Variants in DNAH14 observed in about 807,000 individuals in gnomAD.
The protein encoded by DNAH14 is axonemal beta dynein heavy chain 14.
Under a neutral mutation model 520.9 loss-of-function variants are expected in DNAH14, and 478 were observed. That is an observed-to-expected ratio of 0.92 (90% CI 0.85 to 0.99). DNAH14 has a LOEUF of 0.99. Among genes scored for constraint, DNAH14 ranks in the 50% least tolerant of loss-of-function variants. The probability of loss-of-function intolerance (pLI) is 0.00; values close to 1 mark genes in which losing one functional copy is unlikely to be tolerated. For synonymous variants in DNAH14, 1,581 were observed against 1,757.2 expected (o/e 0.90, Z 2.51); for missense variants, 4,831 against 5,234.5 (o/e 0.92, Z 2.38).
chr1:225,338,346 A>G (rs1199881154), intron 68 of DNAH14, 164 bp downstream of exon 68: 10 of 885,182 alleles, frequency 1.1e-5, no homozygotes, highest in East Asian at 1.1e-4. Flanking sequence ...ATTCATCAGT[A>G]TACAGAAGAG....
intron 10 of DNAH14, among the ~76,000 whole-genome samples, 194 bp from the exon 11 acceptor site, chr1:225,023,421 T>A (rs1398984498): frequency 6.6e-6 from 1 of 151,876 alleles, no homozygotes. Flanking sequence ...ACTTAAATAA[T>A]TTTTAGAATT....
intron 38 of DNAH14, among the ~76,000 whole-genome samples, chr1:225,201,685 G>C (rs2086843606): frequency 6.6e-6 from 1 of 152,040 alleles, no homozygotes; most frequent in Admixed American, 6.6e-5. Context: ...CTGGTACCGG[G>C]GGTTGTCTGC....
chr1:225,387,105 G>GAC (rs2095850036), intron 81 of DNAH14, among the ~76,000 whole-genome samples: 1 of 152,122 alleles, frequency 6.6e-6, no homozygotes, highest in Non-Finnish European at 1.5e-5. Flanking sequence ...GATGAAGCTG[G>GAC]AAACCATCAT....
At chr1:225,081,682 A>G (rs2073139804) in intron 19 of DNAH14, among the ~76,000 whole-genome samples, 1 of 152,162 alleles carries the variant, frequency 6.6e-6, no homozygotes, top group African/African-American at 2.4e-5. Context: ...ATATATACAA[A>G]TTGGTTTTTT....
At chr1:225,318,360 A>G (rs1331899837) in intron 60 of DNAH14, among the ~76,000 whole-genome samples, 3 of 152,212 alleles carry the variant, frequency 2.0e-5, no homozygotes, top group Non-Finnish European at 2.9e-5. Context: ...TTTGCTTCCC[A>G]TGTATACCTT....
intron 43 of DNAH14, chr1:225,250,622 G>A (rs1485078088): frequency 6.1e-6 from 3 of 495,076 alleles, no homozygotes; most frequent in Non-Finnish European, 1.1e-5. Flanking sequence ...ACAGGTTCCT[G>A]AAGAGAAAGA....
chr1:225,039,874 T>C (rs1281548637), intron 12 of DNAH14, among the ~76,000 whole-genome samples: 1 of 20,086 alleles, frequency 5.0e-5, no homozygotes, highest in Non-Finnish European at 1.7e-4. Context: ...CGAGACTCCG[T>C]CTCAAAAAAA....
rs919401251 is a variant in DNAH14 at position 225,152,829 on chromosome 1, C to T, written c.5142C>T (p.Leu1714=). 2 of 1,551,174 alleles carry T rather than the reference C, an allele frequency of 1.3e-6. No homozygotes were observed. Among genetic ancestry groups the T allele is most frequent in the Non-Finnish European group, 8.7e-7 (1 of 1,146,830 alleles). The change falls in exon 33 of 86, where the codon CTC becomes CTT. Residue 1714 remains leucine, a synonymous_variant. Coordinates refer to ENST00000682510, the MANE Select transcript of DNAH14 (RefSeq NM_001367479.1). The part of the protein sequence containing the change: ...FSFGFKSANS[L]SGKLTNLYEL... ...TTGGTTTCAAATCTGCAAATTCACT[C>T]TCTGGAAAGCTAACTAACCTTTATG...
chr1:225,130,278 C>T (rs570600382), intron 27 of DNAH14, among the ~76,000 whole-genome samples: 26 of 152,110 alleles, frequency 1.7e-4, no homozygotes, highest in African/African-American at 5.5e-4. Flanking sequence ...TCAGAGATCT[C>T]GAACTAGAAA....
intron 3 of DNAH14, among the ~76,000 whole-genome samples, chr1:224,957,723 A>G (rs1178895895): frequency 6.6e-6 from 1 of 152,182 alleles, no homozygotes; most frequent in Admixed American, 6.6e-5. Flanking sequence ...GAAAATGTCC[A>G]TTGAATTTAC....
At chr1:225,126,798 T>G (rs971134445) in intron 27 of DNAH14, among the ~76,000 whole-genome samples, 5 of 152,140 alleles carry the variant, frequency 3.3e-5, no homozygotes, top group Non-Finnish European at 7.3e-5. Flanking sequence ...AATTGTGATG[T>G]TAGGGTGTCA....
Position 225,364,798 on chromosome 1 carries a change from T to C in DNAH14, c.11994T>C (p.Asn3998=). Residue 3998 remains asparagine (N), a synonymous_variant, in exon 76 of 86, where the codon AAT becomes AAC. Transcript: ENST00000682510. ...TAAATTTTTTATTTTGCAGTTTTAA[T>C]AGTCCAAACGTGACAATAGACCCTG... ...PRLCTIVESF[N]SPNVTIDPEF... The C allele has an allele frequency of 6.5e-7, 1 of 1,531,402 alleles. No individual in the cohort carries two copies. The highest frequency in any genetic ancestry group is 8.8e-7 in the Non-Finnish European group (1 of 1,140,400). 94.9% of individuals were successfully genotyped at this position (1,531,402 alleles called of 1,614,324 possible). A position where few individuals can be genotyped will look rare whatever the true frequency, so the allele number is the denominator to read the frequency against.
At position 225,303,306 on chromosome 1, in the gene DNAH14, A is replaced by C; in HGVS notation, c.8782A>C (p.Asn2928His). The change falls in exon 57 of 86, where the codon AAC becomes CAC. Residue 2928 changes from asparagine to histidine, a missense_variant. Transcript: ENST00000682510. The part of the protein sequence containing the change: ...WPEEALLIVA[N>H]SFLKEKVNFE... The stretch of plus-strand genomic sequence containing the variant: ...AGAAGAAGCTCTCCTTATTGTAGCT[A>C]ACTCATTCTTAAAAGAAAAGGTCAA... The C allele has an allele frequency of 1.3e-6, 2 of 1,549,852 alleles. No homozygotes were observed. The highest frequency in any genetic ancestry group is 1.7e-6 in the Non-Finnish European group (2 of 1,146,466).
At chr1:225,175,967 A>G (rs2083288730) in intron 36 of DNAH14, among the ~76,000 whole-genome samples, 2 of 151,910 alleles carry the variant, frequency 1.3e-5, no homozygotes, top group African/African-American at 4.8e-5. Flanking sequence ...TGTTGCCCAG[A>G]CTGGTCTTGA....
chr1:225,206,425 A>T (rs1326915490), intron 40 of DNAH14, among the ~76,000 whole-genome samples: 1 of 152,172 alleles, frequency 6.6e-6, no homozygotes, highest in Non-Finnish European at 1.5e-5. Context: ...AACTGTGGGT[A>T]AACAAATAGA....
chr1:225,327,221 G>T (rs1364415371), intron 64 of DNAH14, among the ~76,000 whole-genome samples: 1 of 151,344 alleles, frequency 6.6e-6, no homozygotes, highest in Non-Finnish European at 1.5e-5. Flanking sequence ...GCAGAGGCGC[G>T]ATCTCGGCTC....
chr1:225,168,984 C>T (rs982115470), intron 36 of DNAH14, among the ~76,000 whole-genome samples: 12 of 152,190 alleles, frequency 7.9e-5, no homozygotes, highest in Admixed American at 7.9e-4. Flanking sequence ...GCAACATCTG[C>T]TGTTCCCCAA....
intron 41 of DNAH14, among the ~76,000 whole-genome samples, chr1:225,227,654 C>A: frequency 6.6e-6 from 1 of 152,138 alleles, no homozygotes; most frequent in East Asian, 1.9e-4. Flanking sequence ...TTCATAGTCA[C>A]ATCCCATTCC....
chr1:224,948,642 T>C (rs2059990009), intron 1 of DNAH14, among the ~76,000 whole-genome samples: 2 of 152,078 alleles, frequency 1.3e-5, no homozygotes, highest in Admixed American at 6.5e-5. Context: ...TTTATCTTTC[T>C]GTCTCCTCTT....
Sources: gnomAD v4.1 joint callset for allele counts (sites outside exome capture counted in the v4.1 genomes callset) on GRCh38, gnomAD v4.1.1 for gene constraint, MANE v1.5 for transcripts, NCBI Gene and HGNC (gene_info 2026-07-23, HGNC 2026-07-21) for gene names.